RRM2: variants seen among roughly 807,000 people sequenced by gnomAD.
The protein encoded by RRM2 is ribonucleoside-diphosphate reductase subunit M2.
Under a neutral mutation model 45.9 loss-of-function variants are expected in RRM2, and 6 were observed. That is an observed-to-expected ratio of 0.13 (90% CI 0.07 to 0.26). RRM2 has a LOEUF of 0.26. RRM2 is among the 10% of genes least tolerant of loss of function. The pLI, the probability that RRM2 is intolerant of heterozygous loss-of-function variation, is 1.00. For missense variants in RRM2, 343 were observed against 489.5 expected (o/e 0.70, Z 2.82); for synonymous variants, 177 against 173.0 (o/e 1.02, Z -0.18).
chr2:10,192,128 G>A (rs761491456), intron 3 of RRM2, among the ~76,000 whole-genome samples: 5 of 146,976 alleles, frequency 3.4e-5, no homozygotes, highest in Admixed American at 6.8e-5. Context: ...TCCCGGAGCC[G>A]CAGCCACCGT....
intron 3 of RRM2, chr2:10,199,300 A>C (rs1664488320): frequency 7.1e-6 from 1 of 140,968 alleles, no homozygotes; most frequent in East Asian, 2.2e-4. Flanking sequence ...GGGGGGGGGA[A>C]GGAAAAGAAA....
At chr2:10,146,353 CAG>C (rs1419462125) in intron 3 of RRM2, among the ~76,000 whole-genome samples, 3 of 152,228 alleles carry the variant, frequency 2.0e-5, no homozygotes, top group Admixed American at 6.5e-5. Flanking sequence ...CTGATTCAAT[CAG>C]AGTGTATGGA....
intron 3 of RRM2, among the ~76,000 whole-genome samples, chr2:10,157,878 C>T (rs1273226123): frequency 6.6e-6 from 1 of 152,186 alleles, no homozygotes; most frequent in African/African-American, 2.4e-5. Context: ...TAGTGAGAAC[C>T]TTCCATGGCG....
chr2:10,181,754 C>CTTT lies in RRM2; in HGVS notation n.483-28532_483-28530dup, dbSNP rs869117515. On this transcript the variant is annotated intron_variant and non_coding_transcript_variant, in intron 3 of 3. Transcript: ENST00000381786. ...ACTGCACAGCTCTCTCTCTCTCTCTCTTTTTTTTTTTTTTTTTTTTTTTTT... is the reference window on the plus strand; with the variant it reads ...ACTGCACAGCTCTCTCTCTCTCTCTCTTTTTTTTTTTTTTTTTTTTTTTTTTTT... 6.6e-4 allele frequency among the ~76,000 whole-genome samples: 38 copies of CTTT among 57,264 alleles called. 3 individuals are homozygous for CTTT. The highest frequency in any genetic ancestry group is 1.0e-3 in the Non-Finnish European group (27 of 25,912). The allele number at this position is 57,264 out of a possible 152,430, so 37.6% of individuals were successfully genotyped here.
In RRM2 at chr2:10,195,879, GAC is replaced by G. The variant is rs1664404745; in HGVS notation, n.483-14430_483-14429del. Among the ~76,000 whole-genome samples, 2 of 152,326 alleles carry G rather than the reference GAC, an allele frequency of 1.3e-5. No individual in the cohort carries two copies. Among genetic ancestry groups the G allele is most frequent in the Middle Eastern group, 3.4e-3 (1 of 294 alleles). On this transcript the variant is annotated intron_variant and non_coding_transcript_variant, in intron 3 of 3. Coordinates refer to the RRM2 transcript ENST00000381786. The surrounding 1 kb of genome is among the most constrained non-coding windows in gnomAD (Gnocchi z 4.9). ...GAAAAGAATTTTCCTGCTTGGACAA[GAC>G]AGAGACTCACACGAGGAAATTCCTT...
At chr2:10,192,730 G>C (rs1664335721) in intron 3 of RRM2, 1 of 139,428 alleles carries the variant, frequency 7.2e-6, no homozygotes, top group Non-Finnish European at 1.6e-5. Flanking sequence ...TCCCACTGTG[G>C]ACTTGGGCAC....
chr2:10,125,218 C>T (rs1229360868), intron 5 of RRM2, among the ~76,000 whole-genome samples: 2 of 152,142 alleles, frequency 1.3e-5, no homozygotes, highest in East Asian at 3.8e-4. Flanking sequence ...GACTTGCCTC[C>T]TAAGAAGCCT....
In RRM2 at chr2:10,127,937, C is replaced by T. The variant is rs920188649; in HGVS notation, c.798+717C>T. ...ATCCCAGCACTTTGGTAGGCCGAGGCGGGTGGATCATGAGGTCAGGAGATT... is the reference window on the plus strand; with the variant it reads ...ATCCCAGCACTTTGGTAGGCCGAGGTGGGTGGATCATGAGGTCAGGAGATT... On this transcript the variant is annotated intron_variant, in intron 7 of 9. Transcript: ENST00000304567. This position sits in a 1 kb window ranked among gnomAD's most constrained non-coding sequence, Gnocchi z 4.1. 5.3e-5 allele frequency among the ~76,000 whole-genome samples: 8 copies of T among 151,698 alleles called. No individual in the cohort carries two copies. Among genetic ancestry groups the T allele is most frequent in the African/African-American group, 1.5e-4 (6 of 41,332 alleles).
chr2:10,189,015 A>G (rs548196092), intron 3 of RRM2, among the ~76,000 whole-genome samples: 3 of 152,306 alleles, frequency 2.0e-5, no homozygotes, highest in Admixed American at 2.0e-4. Flanking sequence ...CCACACATCA[A>G]TCACTCAGGC....
intron 5 of RRM2, chr2:10,126,383 A>C (rs1662781238): frequency 6.5e-6 from 1 of 154,562 alleles, no homozygotes; most frequent in Admixed American, 6.4e-5. Context: ...TGTAGCACAG[A>C]GTCCTAGTAG....
chr2:10,140,270 CAAAA>C (rs888169558), upstream of RRM2, among the ~76,000 whole-genome samples: 12 of 152,112 alleles, frequency 7.9e-5, no homozygotes, highest in African/African-American at 2.9e-4. Flanking sequence ...AAAAAAAAAT[CAAAA>C]GAACATTTCG....
chr2:10,176,732 A>G lies in RRM2; in HGVS notation n.483-33579A>G, dbSNP rs144885021. 4.0e-3 allele frequency among the ~76,000 whole-genome samples: 612 copies of G among 152,350 alleles called. 3 individuals are homozygous for G. The highest frequency in any genetic ancestry group is 0.014 in the African/African-American group (573 of 41,590). On this transcript the variant is annotated intron_variant and non_coding_transcript_variant, in intron 3 of 3. Coordinates refer to the RRM2 transcript ENST00000381786. ...TGTTAAGGATTCCATTGTATGAACA[A>G]AACACAATCTATTAATTCCCCTATT...
At chr2:10,167,104 G>A (rs1003351038) in intron 3 of RRM2, among the ~76,000 whole-genome samples, 4 of 152,174 alleles carry the variant, frequency 2.6e-5, no homozygotes, top group Non-Finnish European at 5.9e-5. Context: ...AAGAGCCCTG[G>A]CACAGCTGCT....
At chr2:10,196,167 C>T (rs956116147) in intron 3 of RRM2, among the ~76,000 whole-genome samples, 8 of 152,182 alleles carry the variant, frequency 5.3e-5, no homozygotes, top group African/African-American at 1.9e-4. Context: ...ACTGCAGACC[C>T]CTGTCCTCAT....
Position 10,123,539 on chromosome 2 carries a change from A to G in RRM2, c.318+9A>G, listed in dbSNP as rs754613771. The stretch of plus-strand genomic sequence containing the variant: ...TTTGGACCGCCGAGGAGGTAATCGG[A>G]GGACCCCAGAAGACCCCTGCAGGGG... On this transcript the variant is annotated intron_variant, in intron 3 of 9. Coordinates refer to ENST00000304567, the MANE Select transcript of RRM2 (RefSeq NM_001034.4). The G allele has an allele frequency of 5.0e-6, 8 of 1,609,986 alleles. No homozygotes were observed. In the Admixed American group the frequency reaches 1.2e-4, roughly 24 times the overall value.
At chr2:10,164,802 G>A (rs968920009) in intron 3 of RRM2, among the ~76,000 whole-genome samples, 1 of 152,162 alleles carries the variant, frequency 6.6e-6, no homozygotes, top group Non-Finnish European at 1.5e-5. Flanking sequence ...CCCCTCCCTG[G>A]TCCTGCAGTC....
intron 3 of RRM2, among the ~76,000 whole-genome samples, chr2:10,150,715 C>T (rs1012895107): frequency 1.3e-4 from 20 of 148,396 alleles, no homozygotes; most frequent in Admixed American, 7.5e-4. Context: ...TGCTTTCCGT[C>T]GCCAGAGTTT....
At chr2:10,199,800 A>AAACC (rs1553329434) in intron 3 of RRM2, among the ~76,000 whole-genome samples, 11 of 97,884 alleles carry the variant, frequency 1.1e-4, no homozygotes, top group South Asian at 7.6e-4. Flanking sequence ...AAAAAAAAAA[A>AAACC]AAAAAAAAAC....
rs1662877830 is a variant in RRM2 at position 10,130,603 on chromosome 2, C to CTG, written c.*1217_*1218insTG. The CTG allele has an allele frequency of 6.6e-6, 1 of 151,198 alleles. No individual in the cohort carries two copies. The highest frequency in any genetic ancestry group is 1.5e-5 in the Non-Finnish European group (1 of 67,870). 9.4% of individuals were successfully genotyped at this position (151,198 alleles called of 1,614,324 possible). A position where few individuals can be genotyped will look rare whatever the true frequency, so the allele number is the denominator to read the frequency against. On this transcript the variant is annotated 3_prime_UTR_variant, in exon 10 of 10. Transcript: ENST00000304567. ...ATGAGCTGTTAATACAGTTTCCATT[C>CTG]AAATATTAATTTCAGAATGAAACAT...
Sources: allele counts gnomAD v4.1 joint callset (sites outside exome capture counted in the v4.1 genomes callset), GRCh38; gene constraint gnomAD v4.1.1; non-coding constraint Gnocchi (gnomAD v3.1); transcripts MANE v1.5; gene names NCBI Gene and HGNC (gene_info 2026-07-23, HGNC 2026-07-21).